SERINC5: variants seen among roughly 807,000 people sequenced by gnomAD.
SERINC5 encodes the protein serine incorporator 5.
In SERINC5, 41 loss-of-function variants were observed where a neutral mutation model predicts 63.1. The ratio of observed to expected loss-of-function variants is 0.65; its 90% CI spans 0.51 to 0.84. SERINC5 has a LOEUF of 0.84. Among genes scored for constraint, SERINC5 ranks in the 40% least tolerant of loss-of-function variants. The pLI is 0.00. For synonymous variants in SERINC5, 222 were observed against 215.2 expected, an observed-to-expected ratio of 1.03 and a Z score of -0.28; for missense variants, 523 against 573.0, an observed-to-expected ratio of 0.91 and a Z score of 0.89.
chr5:80,236,974 C>T (rs1740636841), intron 1 of SERINC5, among the ~76,000 whole-genome samples: 1 of 151,972 alleles, frequency 6.6e-6, no homozygotes, highest in Non-Finnish European at 1.5e-5. Flanking sequence ...TTCAACCTCC[C>T]GCCATCATGC....
intron 1 of SERINC5, among the ~76,000 whole-genome samples, chr5:80,237,317 AAGAAG>A (rs1452132417): frequency 1.3e-5 from 2 of 150,376 alleles, no homozygotes; most frequent in Non-Finnish European, 3.0e-5. Flanking sequence ...ATGAAATGCT[AAGAAG>A]AGAAGAAGAG....
At chr5:80,248,620 C>T (rs1370133321) in intron 1 of SERINC5, among the ~76,000 whole-genome samples, 2 of 152,196 alleles carry the variant, frequency 1.3e-5, no homozygotes, top group Non-Finnish European at 2.9e-5. Context: ...AACCAAAACA[C>T]CACCTTGACA....
At chr5:80,179,700 C>T (rs1449769012) in intron 2 of SERINC5, among the ~76,000 whole-genome samples, 1 of 152,096 alleles carries the variant, frequency 6.6e-6, no homozygotes. Context: ...GTTCCCTAAT[C>T]CAAAAAAATC....
At chr5:80,232,294 C>T (rs912290248) in intron 1 of SERINC5, among the ~76,000 whole-genome samples, 2 of 151,458 alleles carry the variant, frequency 1.3e-5, no homozygotes, top group Non-Finnish European at 2.9e-5. Context: ...GTCCCAGCTA[C>T]TCGGGAGGCT....
At position 80,142,196 on chromosome 5, in the gene SERINC5, A is replaced by G; in HGVS notation, c.*1467T>C. On this transcript the variant is annotated 3_prime_UTR_variant, in exon 12 of 12. Transcript: ENST00000507668. ...CCAAGTAAACCTTTTCCCTGCCTGA[A>G]TACATCAACACTGAAAATAGGCATC... 2.0e-6 allele frequency: 2 copies of G among 985,406 alleles called. No individual in the cohort carries two copies. The highest frequency in any genetic ancestry group is 2.4e-6 in the Non-Finnish European group (2 of 829,920). 61.0% of individuals were successfully genotyped at this position (985,406 alleles called of 1,614,324 possible). A position where few individuals can be genotyped will look rare whatever the true frequency, so the allele number is the denominator to read the frequency against.
chr5:80,222,549 G>GGTGAGTATGTGA (rs796466619), intron 1 of SERINC5, among the ~76,000 whole-genome samples: 1 of 128,340 alleles, frequency 7.8e-6, no homozygotes. Context: ...GTTTTTTGTG[G>GGTGAGTATGTGA]GTGAGTGTGT....
intron 1 of SERINC5, among the ~76,000 whole-genome samples, chr5:80,239,064 C>T (rs1387669400): frequency 2.0e-5 from 3 of 152,192 alleles, no homozygotes; most frequent in African/African-American, 7.2e-5. Context: ...ACCCTGTGCT[C>T]CAGGACCTGT....
At chr5:80,215,765 G>A (rs968855454) in intron 1 of SERINC5, among the ~76,000 whole-genome samples, 2 of 152,164 alleles carry the variant, frequency 1.3e-5, no homozygotes, top group Non-Finnish European at 2.9e-5. Context: ...AACAGTCAAG[G>A]GTCAACTTAG....
chr5:80,236,332 G>A (rs758007909), intron 1 of SERINC5, among the ~76,000 whole-genome samples: 8 of 152,096 alleles, frequency 5.3e-5, no homozygotes, highest in Non-Finnish European at 7.3e-5. Context: ...CCAGTAAATG[G>A]CTGAGAACAT....
chr5:80,131,935 C>T (rs977765240), intron 11 of SERINC5, among the ~76,000 whole-genome samples: 1 of 152,076 alleles, frequency 6.6e-6, no homozygotes, highest in Admixed American at 6.5e-5. Flanking sequence ...GTTTTAGAAG[C>T]CTTCCTTTCA....
intron 1 of SERINC5, among the ~76,000 whole-genome samples, chr5:80,225,389 A>G (rs1301570584): frequency 6.6e-6 from 1 of 152,176 alleles, no homozygotes; most frequent in East Asian, 1.9e-4. Flanking sequence ...TTTGTTTGCA[A>G]TACTTTATAA....
chr5:80,174,819 A>G (rs1036559133), intron 5 of SERINC5, 135 bp downstream of exon 5: 2 of 575,038 alleles, frequency 3.5e-6, no homozygotes, highest in African/African-American at 3.8e-5. Context: ...GGAGAGGAGT[A>G]AATGAAGAGG....
At chr5:80,229,551 T>A (rs1258001697) in intron 1 of SERINC5, among the ~76,000 whole-genome samples, 1 of 152,100 alleles carries the variant, frequency 6.6e-6, no homozygotes, top group Non-Finnish European at 1.5e-5. Context: ...AACAAAAAAT[T>A]GCTCCTTAAT....
Position 80,141,975 on chromosome 5 carries a change from A to C in SERINC5, c.*1688T>G. On this transcript the variant is annotated 3_prime_UTR_variant, in exon 12 of 12. Transcript: ENST00000507668. Reference sequence around the variant, plus strand: ...GGAGAAGGGCAAAGGAATGAATAGAAAGAATTTCACTAATTTCACCCACCA... The same window carrying C: ...GGAGAAGGGCAAAGGAATGAATAGACAGAATTTCACTAATTTCACCCACCA... 1 of 985,416 alleles carries C rather than the reference A, an allele frequency of 1.0e-6. No homozygotes were observed. The highest frequency in any genetic ancestry group is 1.2e-6 in the Non-Finnish European group (1 of 829,940). 61.0% of individuals were successfully genotyped at this position (985,416 alleles called of 1,614,324 possible).
At chr5:80,191,059 G>A (rs1561411293) in intron 2 of SERINC5, among the ~76,000 whole-genome samples, 1 of 151,718 alleles carries the variant, frequency 6.6e-6, no homozygotes, top group Non-Finnish European at 1.5e-5. Flanking sequence ...GAAGCCACTT[G>A]TACTAAGTGC....
intron 7 of SERINC5, among the ~76,000 whole-genome samples, chr5:80,162,305 T>C (rs920337567): frequency 1.3e-5 from 2 of 152,212 alleles, no homozygotes; most frequent in Non-Finnish European, 2.9e-5. Context: ...TTAGGCAATA[T>C]GGTCATTTTA....
In SERINC5 at chr5:80,143,226, G is replaced by A; in HGVS notation, c.*437C>T. The A allele has an allele frequency of 3.0e-6, 3 of 990,824 alleles. No individual in the cohort carries two copies. Among genetic ancestry groups the A allele is most frequent in the Non-Finnish European group, 2.4e-6 (2 of 833,500 alleles). 61.4% of individuals were successfully genotyped at this position (990,824 alleles called of 1,614,324 possible). On this transcript the variant is annotated 3_prime_UTR_variant, in exon 12 of 12. Transcript: ENST00000507668. ...CCCCCTGGGGACAAGGCTCTAAGAGGCGGAAGTGAGTGAGAGGGGTCTGGA... is the reference window on the plus strand; with the variant it reads ...CCCCCTGGGGACAAGGCTCTAAGAGACGGAAGTGAGTGAGAGGGGTCTGGA...
intron 11 of SERINC5, among the ~76,000 whole-genome samples, chr5:80,119,945 T>C (rs1744478518): frequency 1.3e-5 from 2 of 152,148 alleles, no homozygotes; most frequent in Admixed American, 1.3e-4. Flanking sequence ...TATGTAATAC[T>C]GGAAAGAGTA....
Position 80,143,111 on chromosome 5 carries a change from G to A in SERINC5, c.*552C>T. 1.0e-6 allele frequency: 1 copy of A among 985,474 alleles called. No homozygotes were observed. The allele number at this position is 985,474 out of a possible 1,614,324, so 61.0% of individuals were successfully genotyped here. On this transcript the variant is annotated 3_prime_UTR_variant, in exon 12 of 12. Transcript: ENST00000507668. ...GGAAACGTTTAGGGGCCGTGAAGAG[G>A]CAGCACTGAGGGTGCAGTTGAAAAG... is the stretch of plus-strand genomic sequence containing the variant.
Sources: allele counts gnomAD v4.1 joint callset (sites outside exome capture counted in the v4.1 genomes callset), GRCh38; gene constraint gnomAD v4.1.1; transcripts MANE v1.5; gene names NCBI Gene and HGNC (gene_info 2026-07-23, HGNC 2026-07-21).